Variants in CAMTA1 observed in about 807,000 individuals in gnomAD.
CAMTA1 encodes calmodulin-binding transcription activator 1.
Under a neutral mutation model 170.9 loss-of-function variants are expected in CAMTA1, and 27 were observed. That is an observed-to-expected ratio of 0.16 (90% confidence interval 0.12 to 0.22). The LOEUF is 0.22. CAMTA1 is among the 10% of genes least tolerant of loss of function. CAMTA1 has a pLI of 1.00. For synonymous variants in CAMTA1, 833 were observed against 891.5 expected (o/e 0.93, Z 1.17); for missense variants, 1,619 against 2,217.2 (o/e 0.73, Z 5.42).
chr1:7,594,960 T>C (rs1477116664), intron 6 of CAMTA1, among the ~76,000 whole-genome samples: 4 of 152,088 alleles, frequency 2.6e-5, no homozygotes, highest in African/African-American at 9.7e-5. Flanking sequence ...GATTCAGGAA[T>C]GAAGGAGTCA....
At chr1:7,230,723 G>A (rs1662625808) in intron 4 of CAMTA1, among the ~76,000 whole-genome samples, 1 of 152,188 alleles carries the variant, frequency 6.6e-6, no homozygotes, top group Non-Finnish European at 1.5e-5. Context: ...TGTTGGCCCA[G>A]GTGAAGAGCA....
chr1:7,736,555 C>T lies in CAMTA1; in HGVS notation c.3263+15C>T. 1 of 1,612,358 alleles carries T rather than the reference C, an allele frequency of 6.2e-7. No individual in the cohort carries two copies. The highest frequency in any genetic ancestry group is 1.1e-5 in the South Asian group (1 of 91,042). ...ATCAAATGGCGGTAAGGCTGTGGTG[C>T]AGCTGGCTGGGGGTCAGCCTCGCAC... On this transcript the variant is annotated intron_variant, in intron 13 of 22. Transcript: ENST00000303635. This position sits in a 1 kb window ranked among gnomAD's most constrained non-coding sequence, Gnocchi z 4.5.
intron 3 of CAMTA1, among the ~76,000 whole-genome samples, chr1:6,841,281 C>G (rs1655587830): frequency 6.6e-6 from 1 of 152,216 alleles, no homozygotes; most frequent in Non-Finnish European, 1.5e-5. Flanking sequence ...AACCTAAATT[C>G]TATCTTCAGC....
At chr1:6,881,799 C>A (rs1159515061) in intron 3 of CAMTA1, among the ~76,000 whole-genome samples, 1 of 152,038 alleles carries the variant, frequency 6.6e-6, no homozygotes, top group Non-Finnish European at 1.5e-5. Context: ...AACCCTGTCA[C>A]TACTAAAAAT....
intron 5 of CAMTA1, among the ~76,000 whole-genome samples, chr1:7,357,295 C>G (rs953361836): frequency 1.3e-5 from 2 of 152,250 alleles, no homozygotes; most frequent in African/African-American, 4.8e-5. Context: ...GCCCAGGACC[C>G]AACCTCCCTG....
chr1:7,261,182 C>T lies in CAMTA1; in HGVS notation c.438+11556C>T, dbSNP rs374861786. On this transcript the variant is annotated intron_variant, in intron 5 of 22. Coordinates refer to ENST00000303635, the MANE Select transcript of CAMTA1 (RefSeq NM_015215.4). ...ACTTATGGAAACATAAATTCCACAG[C>T]AAGTGGCTGCGGGTTCCTTCCTTCC... is the stretch of plus-strand genomic sequence containing the variant. Among the ~76,000 whole-genome samples, 5 of 152,202 alleles carry T rather than the reference C, an allele frequency of 3.3e-5. No homozygotes were observed. The East Asian group carries it at 7.7e-4, about 23-fold the overall frequency.
At chr1:7,520,227 T>TCC (rs760324871) in intron 6 of CAMTA1, among the ~76,000 whole-genome samples, 4 of 10,548 alleles carry the variant, frequency 3.8e-4, no homozygotes, top group Non-Finnish European at 3.3e-4. Context: ...CTCCTCCTCC[T>TCC]CCCTCCTCCT....
At chr1:7,036,740 GT>G (rs1703654227) in intron 3 of CAMTA1, among the ~76,000 whole-genome samples, 1 of 152,100 alleles carries the variant, frequency 6.6e-6, no homozygotes, top group Non-Finnish European at 1.5e-5. Context: ...AGTTTGTTAC[GT>G]TTCTGCTAAG....
chr1:6,809,178 C>G (rs796411513), intron 1 of CAMTA1, among the ~76,000 whole-genome samples: 67 of 152,144 alleles, frequency 4.4e-4, no homozygotes, highest in African/African-American at 1.5e-3. Context: ...AGGCACCCAC[C>G]ACCATGCCTG....
intron 6 of CAMTA1, among the ~76,000 whole-genome samples, chr1:7,504,441 C>T (rs1486428358): frequency 1.3e-5 from 2 of 152,250 alleles, no homozygotes; most frequent in Admixed American, 6.5e-5. Flanking sequence ...CTAGACAGAC[C>T]CCTGTCCGTC....
intron 3 of CAMTA1, among the ~76,000 whole-genome samples, chr1:7,047,068 A>C (rs1296672042): frequency 6.6e-6 from 1 of 152,094 alleles, no homozygotes; most frequent in Non-Finnish European, 1.5e-5. Context: ...GTGGTTTGCT[A>C]TGTGCCCTTC....
chr1:6,841,521 G>A (rs1255064305), intron 3 of CAMTA1, among the ~76,000 whole-genome samples: 2 of 152,046 alleles, frequency 1.3e-5, no homozygotes, highest in African/African-American at 4.8e-5. Flanking sequence ...GGAGTGAGTT[G>A]AAGAGCCAGC....
At position 7,685,028 on chromosome 1, in the gene CAMTA1, C is replaced by T. The variant is rs906782559; in HGVS notation, c.2914+7295C>T. Among the ~76,000 whole-genome samples the T allele has an allele frequency of 3.3e-5, 5 of 152,018 alleles. No homozygotes were observed. Among genetic ancestry groups the T allele is most frequent in the African/African-American group, 1.2e-4 (5 of 41,392 alleles). On this transcript the variant is annotated intron_variant, in intron 11 of 22. Transcript: ENST00000303635. The surrounding 1 kb of genome is among the most constrained non-coding windows in gnomAD (Gnocchi z 5.7). Reference sequence around the variant, plus strand: ...CGGGGAGTTCACAGGCACCGTCCCGCGGTCACAGGTGGCATGTTTTGAGGA... The same window carrying T: ...CGGGGAGTTCACAGGCACCGTCCCGTGGTCACAGGTGGCATGTTTTGAGGA...
At chr1:7,196,295 C>T (rs1292697210) in intron 4 of CAMTA1, among the ~76,000 whole-genome samples, 1 of 152,180 alleles carries the variant, frequency 6.6e-6, no homozygotes, top group African/African-American at 2.4e-5. Flanking sequence ...GCCTCCCAGT[C>T]TGTGAAGCCT....
At chr1:7,407,059 G>A (rs1412423915) in intron 5 of CAMTA1, among the ~76,000 whole-genome samples, 4 of 152,206 alleles carry the variant, frequency 2.6e-5, no homozygotes, top group Non-Finnish European at 4.4e-5. Context: ...CACTTAGTGC[G>A]AGAGACATCA....
intron 16 of CAMTA1, among the ~76,000 whole-genome samples, chr1:7,743,146 G>T (rs1051980794): frequency 6.6e-6 from 1 of 151,422 alleles, no homozygotes; most frequent in South Asian, 2.1e-4. Flanking sequence ...GAGCCACCAC[G>T]CCTGGCCCAA....
intron 3 of CAMTA1, among the ~76,000 whole-genome samples, chr1:6,827,535 AT>A (rs367938378): frequency 1.0e-3 from 146 of 145,512 alleles, no homozygotes; most frequent in Middle Eastern, 3.5e-3. Context: ...ATAACCTGCT[AT>A]TTTTTTTTTT....
chr1:7,284,703 T>C (rs1191589734), intron 5 of CAMTA1, among the ~76,000 whole-genome samples: 1 of 152,212 alleles, frequency 6.6e-6, no homozygotes, highest in East Asian at 1.9e-4. Flanking sequence ...TCTGCAGTTC[T>C]TGTGCTCGCC....
At position 7,769,401 on chromosome 1, in the gene CAMTA1, AAAGAC is replaced by A. The variant is rs2097042782; in HGVS notation, c.*2913_*2917del. On this transcript the variant is annotated 3_prime_UTR_variant, in exon 23 of 23. Transcript: ENST00000303635. ...ATCAGCTGTACTGTGTGAACGAAAT[AAAGAC>A]AATAATACGAACCCCTCTCTGGCTG... is the stretch of plus-strand genomic sequence containing the variant. The A allele has an allele frequency of 6.5e-6, 1 of 152,802 alleles. No homozygotes were observed. Among genetic ancestry groups the A allele is most frequent in the South Asian group, 2.1e-4 (1 of 4,834 alleles). 9.5% of individuals were successfully genotyped at this position (152,802 alleles called of 1,614,324 possible).
Sources: gnomAD v4.1 joint callset for allele counts (sites outside exome capture counted in the v4.1 genomes callset) on GRCh38, gnomAD v4.1.1 for gene constraint, Gnocchi (gnomAD v3.1) non-coding constraint, MANE v1.5 for transcripts, NCBI Gene and HGNC (gene_info 2026-07-23, HGNC 2026-07-21) for gene names.